The following NRG2 variants were observed in gnomAD, a reference collection of about 807,000 sequenced individuals.
NRG2 encodes the protein neuregulin 2, also known as pro-neuregulin-2, membrane-bound isoform.
Under a neutral mutation model 73.9 loss-of-function variants are expected in NRG2, and 27 were observed. The observed-to-expected ratio is 0.37, with a 90% CI of 0.27 to 0.50. The LOEUF is 0.50. Among genes scored for constraint, NRG2 ranks in the 20% least tolerant of loss-of-function variants. NRG2 has a pLI of 0.96. For missense variants in NRG2, 1,126 were observed against 1,210.1 expected (o/e 0.93, Z 1.03); for synonymous variants, 532 against 541.0 (o/e 0.98, Z 0.23).
intron 1 of NRG2, among the ~76,000 whole-genome samples, chr5:139,939,251 T>C (rs866221857): frequency 0.012 from 1,588 of 135,580 alleles, 21 homozygotes; most frequent in South Asian, 0.044. Flanking sequence ...TTCCTTTCTT[T>C]CTTTCTTTCT....
At chr5:139,900,074 A>AATT (rs1271726925) in intron 1 of NRG2, among the ~76,000 whole-genome samples, 1 of 152,136 alleles carries the variant, frequency 6.6e-6, no homozygotes, top group Non-Finnish European at 1.5e-5. Flanking sequence ...TTCTACTTCT[A>AATT]AGAAGTCCCT....
intron 9 of NRG2, 82 bp from the exon 10 acceptor site, chr5:139,848,779 G>GGGGGGGGGGCC: frequency 5.0e-6 from 1 of 198,602 alleles, no homozygotes. Context: ...GGTAGGGTGG[G>GGGGGGGGGGCC]AGGGGCGGAC....
At chr5:139,903,303 CCT>C (rs1334616286) in intron 1 of NRG2, among the ~76,000 whole-genome samples, 2 of 152,192 alleles carry the variant, frequency 1.3e-5, no homozygotes, top group East Asian at 1.9e-4. Context: ...CTTCAGTAAG[CCT>C]CTGTTACTCC....
intron 1 of NRG2, among the ~76,000 whole-genome samples, chr5:139,938,186 C>A (rs960638442): frequency 5.3e-5 from 8 of 152,314 alleles, no homozygotes; most frequent in Admixed American, 3.3e-4. Flanking sequence ...TAAGCTGTAA[C>A]TTTTCTCTAA....
intron 1 of NRG2, among the ~76,000 whole-genome samples, chr5:139,906,136 T>G (rs976443566): frequency 6.6e-6 from 1 of 152,088 alleles, no homozygotes; most frequent in Non-Finnish European, 1.5e-5. Flanking sequence ...GCCTCCTGAG[T>G]AGCTGGGATT....
intron 1 of NRG2, among the ~76,000 whole-genome samples, chr5:139,911,994 A>G (rs979083939): frequency 2.0e-5 from 3 of 152,102 alleles, no homozygotes; most frequent in Non-Finnish European, 2.9e-5. Context: ...TGGATCAGCA[A>G]CCCAAGGGAG....
intron 1 of NRG2, among the ~76,000 whole-genome samples, chr5:139,957,029 T>G (rs1754675418): frequency 6.6e-6 from 1 of 152,204 alleles, no homozygotes; most frequent in African/African-American, 2.4e-5. Context: ...TGATTCCAGA[T>G]GTGGAACCAG....
chr5:139,882,567 C>A (rs1763589838), intron 2 of NRG2, among the ~76,000 whole-genome samples: 1 of 152,136 alleles, frequency 6.6e-6, no homozygotes, highest in Admixed American at 6.5e-5. Context: ...CCTGGAGGCC[C>A]CTCTGACTAA....
intron 5 of NRG2, among the ~76,000 whole-genome samples, chr5:139,857,727 A>G (rs544024533): frequency 6.6e-6 from 1 of 150,384 alleles, no homozygotes; most frequent in South Asian, 2.1e-4. Flanking sequence ...CTCTTTTCAA[A>G]CTCCTACTCG....
chr5:139,971,301 C>A (rs555817873), intron 1 of NRG2, among the ~76,000 whole-genome samples: 1 of 152,142 alleles, frequency 6.6e-6, no homozygotes, highest in Non-Finnish European at 1.5e-5. Flanking sequence ...TTCCACTAGA[C>A]GGTAAGTCAT....
chr5:139,900,292 G>A (rs1764792210), intron 1 of NRG2, among the ~76,000 whole-genome samples: 1 of 152,238 alleles, frequency 6.6e-6, no homozygotes, highest in Admixed American at 6.5e-5. Flanking sequence ...GACAGGGCCT[G>A]TTGTTTATTC....
At chr5:140,037,907 CAAAA>C (rs748112690) in intron 1 of NRG2, among the ~76,000 whole-genome samples, 6 of 59,000 alleles carry the variant, frequency 1.0e-4, no homozygotes, top group Admixed American at 2.1e-4. Context: ...GACTCCATCT[CAAAA>C]AAAAAAAAAA....
intron 1 of NRG2, among the ~76,000 whole-genome samples, chr5:139,969,672 G>A (rs1420909951): frequency 6.6e-6 from 1 of 152,216 alleles, no homozygotes; most frequent in East Asian, 1.9e-4. Flanking sequence ...AGAGATTTCA[G>A]AGACAAATAA....
At chr5:139,910,921 A>G (rs1765527349) in intron 1 of NRG2, among the ~76,000 whole-genome samples, 1 of 152,094 alleles carries the variant, frequency 6.6e-6, no homozygotes, top group Non-Finnish European at 1.5e-5. Context: ...GAAGAGGCAG[A>G]CCCATCCCAG....
At chr5:139,875,602 A>C (rs906647940) in intron 3 of NRG2, among the ~76,000 whole-genome samples, 2 of 152,180 alleles carry the variant, frequency 1.3e-5, no homozygotes, top group Non-Finnish European at 2.9e-5. Context: ...AAACATTCCA[A>C]AAAGGTCATT....
At chr5:139,886,864 G>A (rs1342645987) in intron 2 of NRG2, among the ~76,000 whole-genome samples, 1 of 152,208 alleles carries the variant, frequency 6.6e-6, no homozygotes, top group East Asian at 1.9e-4. Context: ...TCAAAGTGTT[G>A]CTCCCTTTTC....
Position 139,880,900 on chromosome 5 carries a change from A to T in NRG2, c.947T>A (p.Ile316Asn). The change falls in exon 3 of 10, where the codon ATC becomes AAC. Residue 316 changes from isoleucine to asparagine, a missense_variant. Transcript: ENST00000361474. ...GCCCCGGACGGTGTCCTTCCCCAGGATGTTCTCGGCCTCGCAGACATACTC... is the reference window on the plus strand; with the variant it reads ...GCCCCGGACGGTGTCCTTCCCCAGGTTGTTCTCGGCCTCGCAGACATACTC... ...AGEYVCEAEN[I>N]LGKDTVRGRL... 6.2e-7 allele frequency: 1 copy of T among 1,614,054 alleles called. No individual in the cohort carries two copies. The highest frequency in any genetic ancestry group is 2.2e-5 in the East Asian group (1 of 44,866).
At chr5:139,867,487 G>A (rs143835928) in intron 4 of NRG2, among the ~76,000 whole-genome samples, 100 of 152,208 alleles carry the variant, frequency 6.6e-4, no homozygotes, top group African/African-American at 2.3e-3. Flanking sequence ...CCTGGCCCTC[G>A]TCCCTATTCA....
chr5:140,037,395 T>C (rs969255560), intron 1 of NRG2, among the ~76,000 whole-genome samples: 3 of 152,202 alleles, frequency 2.0e-5, no homozygotes, highest in African/African-American at 7.2e-5. Context: ...AATAAGTTGG[T>C]ATTTTCATTC....
Sources: allele counts gnomAD v4.1 joint callset (sites outside exome capture counted in the v4.1 genomes callset), GRCh38; gene constraint gnomAD v4.1.1; transcripts MANE v1.5; gene names NCBI Gene and HGNC (gene_info 2026-07-23, HGNC 2026-07-21).